Variants in GRIK2 observed in about 807,000 individuals in gnomAD.
GRIK2 encodes glutamate ionotropic receptor kainate type subunit 2, also known as glutamate receptor ionotropic, kainate 2.
Under a neutral mutation model 100.3 loss-of-function variants are expected in GRIK2, and 32 were observed. The observed-to-expected ratio is 0.32, with a 90% CI of 0.24 to 0.43. The LOEUF (loss-of-function observed/expected upper bound fraction) is 0.43, where lower values mean the gene tolerates loss of function less well. Ranked by LOEUF, GRIK2 falls within the 20% of genes least tolerant of loss-of-function variation. The pLI is 1.00. For synonymous variants in GRIK2, 417 were observed against 389.4 expected, an observed-to-expected ratio of 1.07 and a Z score of -0.83; for missense variants, 843 against 1,114.9, an observed-to-expected ratio of 0.76 and a Z score of 3.47.
intron 7 of GRIK2, among the ~76,000 whole-genome samples, chr6:101,723,905 C>G (rs1428317991): frequency 6.6e-6 from 1 of 151,782 alleles, no homozygotes; most frequent in African/African-American, 2.4e-5. Flanking sequence ...TGCTTTACCT[C>G]TTCTTGTTAT....
At chr6:101,773,233 C>T (rs910855393) in intron 7 of GRIK2, among the ~76,000 whole-genome samples, 4 of 152,100 alleles carry the variant, frequency 2.6e-5, no homozygotes, top group Non-Finnish European at 5.9e-5. Flanking sequence ...GTAATCCCAG[C>T]ACTTTGGGAG....
intron 14 of GRIK2, among the ~76,000 whole-genome samples, chr6:101,998,722 T>C (rs1794773937): frequency 6.6e-6 from 1 of 152,080 alleles, no homozygotes; most frequent in African/African-American, 2.4e-5. Flanking sequence ...AGTATTTATT[T>C]TGAAAAGATT....
rs955997630 is a variant in GRIK2, at chr6:102,055,185, T to C, written c.2312-145T>C. On this transcript the variant is annotated intron_variant, in intron 15 of 16. Coordinates refer to ENST00000369134, the MANE Select transcript of GRIK2 (RefSeq NM_021956.5). ...TGATCTTGTTAAACGTCTATGTGTT[T>C]TTTCCAGTTGTTTTTCTCTTCTGAA... 48 of 574,740 alleles carry C rather than the reference T, an allele frequency of 8.4e-5. No homozygotes were observed. In the African/African-American group the frequency reaches 8.5e-4, roughly 10 times the overall value. The allele number at this position is 574,740 out of a possible 1,614,324, so 35.6% of individuals were successfully genotyped here. A position where few individuals can be genotyped will look rare whatever the true frequency, so the allele number is the denominator to read the frequency against.
intron 14 of GRIK2, among the ~76,000 whole-genome samples, chr6:101,928,946 T>C (rs1232152178): frequency 1.3e-5 from 2 of 152,168 alleles, no homozygotes; most frequent in Non-Finnish European, 2.9e-5. Context: ...TTTTTGAAAC[T>C]GTAATAGTAG....
chr6:101,695,339 A>C (rs566995687), intron 7 of GRIK2, among the ~76,000 whole-genome samples: 1 of 152,098 alleles, frequency 6.6e-6, no homozygotes, highest in African/African-American at 2.4e-5. Context: ...AATCTCTTTC[A>C]TGAGTGCTTA....
At chr6:101,913,700 T>G (rs762688084) in intron 12 of GRIK2, among the ~76,000 whole-genome samples, 3 of 151,434 alleles carry the variant, frequency 2.0e-5, no homozygotes, top group Non-Finnish European at 4.4e-5. Flanking sequence ...AAGTAGAATA[T>G]TAATGAGCTG....
At chr6:101,568,125 T>A (rs1447284467) in intron 2 of GRIK2, among the ~76,000 whole-genome samples, 6 of 151,998 alleles carry the variant, frequency 3.9e-5, no homozygotes, top group Non-Finnish European at 8.8e-5. Flanking sequence ...TTAAGTAGCT[T>A]TTTTGTCAAA....
chr6:101,872,193 T>C (rs117582273), intron 11 of GRIK2, among the ~76,000 whole-genome samples: 272 of 152,060 alleles, frequency 1.8e-3, no homozygotes, highest in Non-Finnish European at 3.2e-3. Context: ...TGGTTTGACC[T>C]AGAAATGTGG....
chr6:101,611,836 A>G (rs1779690313), intron 2 of GRIK2, among the ~76,000 whole-genome samples: 1 of 151,758 alleles, frequency 6.6e-6, no homozygotes, highest in Non-Finnish European at 1.5e-5. Flanking sequence ...ACATGTATAT[A>G]TGTTTTATTT....
chr6:101,398,790 A>G (rs1414324251), intron 1 of GRIK2, 195 bp from the exon 2 acceptor site: 3 of 380,688 alleles, frequency 7.9e-6, no homozygotes, highest in Non-Finnish European at 1.4e-5. Context: ...CCTTAAGAGG[A>G]GAGCAGCTAT....
intron 10 of GRIK2, among the ~76,000 whole-genome samples, chr6:101,822,234 ACACACACAC>A (rs1782001240): frequency 6.6e-6 from 1 of 151,582 alleles, no homozygotes; most frequent in African/African-American, 2.4e-5. Flanking sequence ...ACACACACAC[ACACACACAC>A]AAACACATAC....
At chr6:101,984,614 A>AACACAC (rs10678285) in intron 14 of GRIK2, among the ~76,000 whole-genome samples, 12,163 of 129,046 alleles carry the variant, frequency 0.094, 596 homozygotes, top group Non-Finnish European at 0.11. Flanking sequence ...TACACATTAA[A>AACACAC]ACACACACAC....
intron 2 of GRIK2, among the ~76,000 whole-genome samples, chr6:101,505,007 A>G (rs535379749): frequency 6.6e-6 from 1 of 151,978 alleles, no homozygotes; most frequent in South Asian, 2.1e-4. Context: ...GTTTTCAGGG[A>G]ACAAGTTCAT....
intron 12 of GRIK2, chr6:101,891,485 C>A (rs1582469998): frequency 5.8e-6 from 2 of 343,704 alleles, no homozygotes; most frequent in South Asian, 4.4e-5. Flanking sequence ...CCACTGCACT[C>A]CAGCCTGGGA....
chr6:101,914,457 A>G (rs1055585855), intron 12 of GRIK2, among the ~76,000 whole-genome samples: 2 of 151,526 alleles, frequency 1.3e-5, no homozygotes, highest in African/African-American at 4.8e-5. Flanking sequence ...AGCTAATCCA[A>G]AATCGGCAAG....
At chr6:101,689,870 T>A (rs1341557798) in intron 7 of GRIK2, among the ~76,000 whole-genome samples, 2 of 152,170 alleles carry the variant, frequency 1.3e-5, no homozygotes, top group Non-Finnish European at 2.9e-5. Flanking sequence ...CATCTTTTCA[T>A]GCTCCTAGAG....
chr6:101,920,382 C>T (rs1399656044), intron 12 of GRIK2, among the ~76,000 whole-genome samples: 1 of 151,812 alleles, frequency 6.6e-6, no homozygotes, highest in Non-Finnish European at 1.5e-5. Context: ...AGGAAGATTC[C>T]AGGGCAAATG....
chr6:101,586,728 A>AC (rs1562243899), intron 2 of GRIK2, among the ~76,000 whole-genome samples: 1 of 151,394 alleles, frequency 6.6e-6, no homozygotes, highest in Non-Finnish European at 1.5e-5. Flanking sequence ...TAAAAAAAAA[A>AC]CAAATTAAAA....
intron 15 of GRIK2, among the ~76,000 whole-genome samples, chr6:102,048,099 C>T (rs1190846326): frequency 1.3e-5 from 2 of 151,112 alleles, no homozygotes; most frequent in South Asian, 4.2e-4. Flanking sequence ...CTATCAAGAA[C>T]ACCCAATGGA....
Sources: gnomAD v4.1 joint callset for allele counts (sites outside exome capture counted in the v4.1 genomes callset) on GRCh38, gnomAD v4.1.1 for gene constraint, MANE v1.5 for transcripts, NCBI Gene and HGNC (gene_info 2026-07-23, HGNC 2026-07-21) for gene names.